ADRA1A: variants seen among roughly 807,000 people sequenced by gnomAD.
ADRA1A encodes the protein alpha-1A adrenergic receptor.
ADRA1A carries 31 observed loss-of-function variants against 29.6 expected under a neutral mutation model. The observed-to-expected ratio is 1.05, with a 90% CI of 0.79 to 1.41. The LOEUF (loss-of-function observed/expected upper bound fraction) is 1.41. ADRA1A is among the 40% of genes most tolerant of loss of function. The pLI is 0.00. For missense variants in ADRA1A, 619 were observed against 601.1 expected (o/e 1.03, Z -0.31); for synonymous variants, 311 against 254.3 (o/e 1.22, Z -2.12).
chr8:26,774,865 A>G (rs1324574731), intron 2 of ADRA1A, among the ~76,000 whole-genome samples: 3 of 151,798 alleles, frequency 2.0e-5, no homozygotes, highest in Non-Finnish European at 4.4e-5. Context: ...GTCTGGTTCT[A>G]TTTTCTCTGA....
intron 2 of ADRA1A, among the ~76,000 whole-genome samples, chr8:26,807,821 A>T (rs1285765343): frequency 6.6e-6 from 1 of 152,068 alleles, no homozygotes; most frequent in Non-Finnish European, 1.5e-5. Flanking sequence ...AGAGGCCAGG[A>T]CCCATCCACC....
chr8:26,828,337 C>T (rs2130635961), intron 2 of ADRA1A, among the ~76,000 whole-genome samples: 1 of 152,268 alleles, frequency 6.6e-6, no homozygotes, highest in East Asian at 1.9e-4. Flanking sequence ...ATACCTCCTA[C>T]TCATCCATGG....
At chr8:26,748,666 T>A (rs1380435178) in exon 3 of ADRA1A, 4 of 376,224 alleles carry the variant, frequency 1.1e-5, no homozygotes, top group African/African-American at 2.3e-5. Flanking sequence ...GGCAGGAGAA[T>A]CTCTTGAACC....
At chr8:26,770,739 A>G in intron 2 of ADRA1A, 73 bp from the exon 3 acceptor site, 1 of 1,505,016 alleles carries the variant, frequency 6.6e-7, no homozygotes, top group Non-Finnish European at 8.8e-7. Context: ...AAACAATCAA[A>G]CAGACATCTT....
intron 2 of ADRA1A, among the ~76,000 whole-genome samples, chr8:26,842,032 T>A (rs1197750744): frequency 2.0e-5 from 3 of 152,162 alleles, no homozygotes; most frequent in Non-Finnish European, 4.4e-5. Context: ...TTAGCTTTGC[T>A]ATTTTCTATT....
At chr8:26,855,218 T>TGTGTGC (rs1231960368) in intron 2 of ADRA1A, among the ~76,000 whole-genome samples, 1 of 27,200 alleles carries the variant, frequency 3.7e-5, no homozygotes, top group Admixed American at 7.3e-4. Context: ...TGTGCATGCA[T>TGTGTGC]GTGTGTGTGT....
intron 2 of ADRA1A, among the ~76,000 whole-genome samples, chr8:26,791,661 T>G: frequency 6.6e-6 from 1 of 152,210 alleles, no homozygotes; most frequent in East Asian, 1.9e-4. Context: ...CCTCTGCCAT[T>G]TGGTAAGAAA....
Position 26,864,271 on chromosome 8 carries a change from C to A in ADRA1A, c.699G>T (p.Thr233=). Residue 233 remains threonine, a synonymous_variant, in exon 2 of 3, where the codon ACG becomes ACT. Coordinates refer to ENST00000380573, the MANE Select transcript of ADRA1A (RefSeq NM_000680.4). This position sits in a 1 kb window ranked among gnomAD's most constrained non-coding sequence, Gnocchi z 8.1. ...GGGCGTTTTTCCGATGGATGCGGAGCGTCACTTGCTCCGAGTCCGACTTGT... is the reference window on the plus strand; with the variant it reads ...GGGCGTTTTTCCGATGGATGCGGAGAGTCACTTGCTCCGAGTCCGACTTGT... ...KTDKSDSEQV[T]LRIHRKNAPA... 1 of 1,614,136 alleles carries A rather than the reference C, an allele frequency of 6.2e-7. No homozygotes were observed. Among genetic ancestry groups the A allele is most frequent in the Non-Finnish European group, 8.5e-7 (1 of 1,180,024 alleles).
intron 2 of ADRA1A, chr8:26,859,048 A>G: frequency 7.9e-7 from 1 of 1,268,920 alleles, no homozygotes; most frequent in South Asian, 1.3e-5. Context: ...TTCCTGGGTC[A>G]GTCCCTATTA....
chr8:26,769,811 G>T lies in ADRA1A; in HGVS notation c.*338C>A. On this transcript the variant is annotated 3_prime_UTR_variant, in exon 3 of 3. Coordinates refer to ENST00000380573, the MANE Select transcript of ADRA1A (RefSeq NM_000680.4). Reference sequence around the variant, plus strand: ...TAGAGTGTGTGCTCAAAATATTCATGATGAAATCATAATCCTATATTTATA... The same window carrying T: ...TAGAGTGTGTGCTCAAAATATTCATTATGAAATCATAATCCTATATTTATA... 1 of 1,033,558 alleles carries T rather than the reference G, an allele frequency of 9.7e-7. No individual in the cohort carries two copies. The highest frequency in any genetic ancestry group is 1.7e-5 in the African/African-American group (1 of 59,168). 64.0% of individuals were successfully genotyped at this position (1,033,558 alleles called of 1,614,324 possible).
chr8:26,769,831 T>C lies in ADRA1A; in HGVS notation c.*318A>G, dbSNP rs1806006568. On this transcript the variant is annotated 3_prime_UTR_variant, in exon 3 of 3. Transcript: ENST00000380573. Reference sequence around the variant, plus strand: ...TTCATGATGAAATCATAATCCTATATTTATAGTCTTTTGGATTGTGCATGA... The same window carrying C: ...TTCATGATGAAATCATAATCCTATACTTATAGTCTTTTGGATTGTGCATGA... The C allele has an allele frequency of 9.3e-7, 1 of 1,072,370 alleles. No homozygotes were observed. Among genetic ancestry groups the C allele is most frequent in the Non-Finnish European group, 1.1e-6 (1 of 886,840 alleles). The allele number at this position is 1,072,370 out of a possible 1,614,324, so 66.4% of individuals were successfully genotyped here. A position where few individuals can be genotyped will look rare whatever the true frequency, so the allele number is the denominator to read the frequency against.
In ADRA1A at chr8:26,769,617, A is replaced by G. The variant is rs1805989210; in HGVS notation, c.*532T>C. On this transcript the variant is annotated 3_prime_UTR_variant, in exon 3 of 3. Transcript: ENST00000380573. ...AAGCTGAGAAATTGGATGTATCAGA[A>G]AGGGTGGAGTTTCAGGACTTGCTCT... 1 of 985,494 alleles carries G rather than the reference A, an allele frequency of 1.0e-6. No individual in the cohort carries two copies. Among genetic ancestry groups the G allele is most frequent in the African/African-American group, 1.7e-5 (1 of 57,258 alleles). The allele number at this position is 985,494 out of a possible 1,614,324, so 61.0% of individuals were successfully genotyped here.
intron 2 of ADRA1A, among the ~76,000 whole-genome samples, chr8:26,800,341 C>T (rs991754792): frequency 6.6e-6 from 1 of 151,898 alleles, no homozygotes; most frequent in African/African-American, 2.4e-5. Context: ...TAGAAGAGAA[C>T]AGAAACTCTA....
chr8:26,845,675 A>C (rs907001195), intron 2 of ADRA1A, among the ~76,000 whole-genome samples: 7 of 152,364 alleles, frequency 4.6e-5, no homozygotes, highest in Admixed American at 2.0e-4. Context: ...ACAAGGCAGA[A>C]ATAACTTAAA....
At chr8:26,840,697 T>C (rs1302540866) in intron 2 of ADRA1A, among the ~76,000 whole-genome samples, 3 of 152,212 alleles carry the variant, frequency 2.0e-5, no homozygotes, top group Non-Finnish European at 4.4e-5. Context: ...TCTTGATTTA[T>C]TCAAACCATA....
rs894874373 is a variant in ADRA1A at position 26,841,416 on chromosome 8, C to T, written c.883+22671G>A. ...TACTCCCTTCTAACTGTGAAGGCAT[C>T]GGGCTTTCCCAGATATCCTTTGCAT... is the stretch of plus-strand genomic sequence containing the variant. On this transcript the variant is annotated intron_variant, in intron 2 of 2. Coordinates refer to ENST00000380573, the MANE Select transcript of ADRA1A (RefSeq NM_000680.4). This position sits in a 1 kb window ranked among gnomAD's most constrained non-coding sequence, Gnocchi z 4.4. 1.3e-5 allele frequency among the ~76,000 whole-genome samples: 2 copies of T among 152,184 alleles called. No homozygotes were observed. Among genetic ancestry groups the T allele is most frequent in the Non-Finnish European group, 2.9e-5 (2 of 68,036 alleles).
Position 26,770,183 on chromosome 8 carries a change from G to A in ADRA1A, c.1367C>T (p.Thr456Ile). The change falls in exon 3 of 3, where the codon ACC (threonine) becomes ATC (isoleucine). Residue 456 changes from threonine (T) to isoleucine (I), a missense_variant. Transcript: ENST00000380573. ...NHQVPTIKVH[T>I]ISLSENGEEV Reference sequence around the variant, plus strand: ...CTCCCCGTTCTCACTGAGGGAGATGGTGTGGACCTTAATGGTTGGAACTTG... The same window carrying A: ...CTCCCCGTTCTCACTGAGGGAGATGATGTGGACCTTAATGGTTGGAACTTG... 1.3e-6 allele frequency: 2 copies of A among 1,582,384 alleles called. No individual in the cohort carries two copies. Among genetic ancestry groups the A allele is most frequent in the Non-Finnish European group, 1.7e-6 (2 of 1,163,084 alleles).
At chr8:26,839,944 A>G (rs911440771) in intron 2 of ADRA1A, among the ~76,000 whole-genome samples, 1 of 152,140 alleles carries the variant, frequency 6.6e-6, no homozygotes, top group African/African-American at 2.4e-5. Flanking sequence ...CTCACACCAC[A>G]TGTTCTCTAT....
At chr8:26,830,445 C>T (rs1012430866) in intron 2 of ADRA1A, among the ~76,000 whole-genome samples, 2 of 152,164 alleles carry the variant, frequency 1.3e-5, no homozygotes, top group African/African-American at 2.4e-5. Context: ...CTCCCTTGTT[C>T]GTTCTAGGAT....
Sources: gnomAD v4.1 joint callset for allele counts (sites outside exome capture counted in the v4.1 genomes callset) on GRCh38, gnomAD v4.1.1 for gene constraint, Gnocchi (gnomAD v3.1) non-coding constraint, MANE v1.5 for transcripts, NCBI Gene and HGNC (gene_info 2026-07-23, HGNC 2026-07-21) for gene names.